The following PSME4 variants were observed in gnomAD, a reference collection of about 807,000 sequenced individuals.
PSME4 encodes proteasome activator subunit 4, also known as proteasome activator complex subunit 4.
PSME4 carries 89 observed loss-of-function variants against 253.9 expected under a neutral mutation model. The observed-to-expected ratio is 0.35, with a 90% CI of 0.30 to 0.42. The LOEUF (loss-of-function observed/expected upper bound fraction) is 0.42. Among genes scored for constraint, PSME4 ranks in the 10% least tolerant of loss-of-function variants. The probability of loss-of-function intolerance (pLI) is 1.00; values close to 1 mark genes in which losing one functional copy is unlikely to be tolerated. For synonymous variants in PSME4, 851 were observed against 759.2 expected, an observed-to-expected ratio of 1.12 and a Z score of -1.99; for missense variants, 2,014 against 2,195.2, an observed-to-expected ratio of 0.92 and a Z score of 1.65.
At chr2:53,927,309 C>T (rs1006352960) in intron 12 of PSME4, 85 bp downstream of exon 12, 8 of 958,804 alleles carry the variant, frequency 8.3e-6, no homozygotes, top group African/African-American at 6.5e-5. Flanking sequence ...CTTCCAAAGT[C>T]GTTTCTAAAC....
chr2:53,924,585 A>G (rs1668471647), intron 14 of PSME4, among the ~76,000 whole-genome samples: 1 of 152,194 alleles, frequency 6.6e-6, no homozygotes, highest in Non-Finnish European at 1.5e-5. Flanking sequence ...TCAGCTGAGT[A>G]ACTGTTTTTA....
intron 34 of PSME4, among the ~76,000 whole-genome samples, chr2:53,894,545 T>C (rs1292151865): frequency 6.6e-6 from 1 of 152,246 alleles, no homozygotes; most frequent in Non-Finnish European, 1.5e-5. Flanking sequence ...GTGTTGGGAT[T>C]ACAGGCATGT....
intron 10 of PSME4, 49 bp downstream of exon 10, chr2:53,931,786 G>T: frequency 6.3e-7 from 1 of 1,593,696 alleles, no homozygotes; most frequent in South Asian, 1.1e-5. Context: ...GAGCTGAACA[G>T]ACCAAAAGAA....
At position 53,898,304 on chromosome 2, in the gene PSME4, T is replaced by A; in HGVS notation, c.3473A>T (p.Asn1158Ile). ...DTLLDGVEQR[N>I]LPWKFEHIGI... is the part of the protein sequence containing the mutation. ...TACAAAAATCTTTTGCACTTACAGG[T>A]TTCTTTGCTCCACACCATCTAGCAA... The change falls in exon 30 of 47, where the codon AAC becomes ATC. Residue 1158 changes from asparagine (N) to isoleucine (I), a missense_variant. Physicochemically the swap from Asn to Ile is moderately radical, Grantham distance 149. Transcript: ENST00000404125. 6.2e-7 allele frequency: 1 copy of A among 1,605,186 alleles called. No homozygotes were observed. The highest frequency in any genetic ancestry group is 8.5e-7 in the Non-Finnish European group (1 of 1,176,822).
At chr2:53,898,036 T>C in intron 30 of PSME4, 37 bp from the exon 31 acceptor site, 1 of 1,576,718 alleles carries the variant, frequency 6.3e-7, no homozygotes. Flanking sequence ...ATATCACACA[T>C]AAAACCACTT....
intron 41 of PSME4, among the ~76,000 whole-genome samples, chr2:53,884,386 T>G (rs111699183): frequency 1.6e-3 from 242 of 152,282 alleles, no homozygotes; most frequent in African/African-American, 5.6e-3. Context: ...AATTTTTGTA[T>G]TTTTAGTAGA....
At chr2:53,892,283 G>A (rs186630887) in intron 36 of PSME4, among the ~76,000 whole-genome samples, 5 of 152,240 alleles carry the variant, frequency 3.3e-5, no homozygotes, top group Admixed American at 6.5e-5. Context: ...TTAGTCTCGT[G>A]TATTTTGCTA....
rs1558670671 is a variant in PSME4 at position 53,906,877 on chromosome 2, C to CA, written c.2785-10dup. On this transcript the variant is annotated splice_polypyrimidine_tract_variant and intron_variant, in intron 24 of 46. Transcript: ENST00000404125. ...TGTTTTTTCCCATGGAGCTGGAAAA[C>CA]AAAGTAGCAACAAATACTTCAACAT... is the stretch of plus-strand genomic sequence containing the variant. 1 of 1,611,552 alleles carries CA rather than the reference C, an allele frequency of 6.2e-7. No individual in the cohort carries two copies. Among genetic ancestry groups the CA allele is most frequent in the Admixed American group, 1.7e-5 (1 of 59,928 alleles).
chr2:53,914,077 G>A (rs188217551), intron 20 of PSME4, among the ~76,000 whole-genome samples: 1 of 152,160 alleles, frequency 6.6e-6, no homozygotes, highest in Non-Finnish European at 1.5e-5. Context: ...AGATCCTAAG[G>A]ATGATTTAAC....
chr2:53,940,496 C>T (rs1480136939), intron 3 of PSME4, among the ~76,000 whole-genome samples: 1 of 152,040 alleles, frequency 6.6e-6, no homozygotes, highest in African/African-American at 2.4e-5. Flanking sequence ...AGAACAATAG[C>T]ATCTCTTTGA....
At chr2:53,893,005 C>T (rs775375811) in intron 35 of PSME4, 45 bp from the exon 36 acceptor site, 2 of 1,543,660 alleles carry the variant, frequency 1.3e-6, no homozygotes, top group African/African-American at 1.4e-5. Flanking sequence ...TGACTATCAT[C>T]TCGATTATAA....
intron 14 of PSME4, among the ~76,000 whole-genome samples, 195 bp downstream of exon 14, chr2:53,925,344 C>T (rs944282504): frequency 6.6e-6 from 1 of 152,098 alleles, no homozygotes; most frequent in Non-Finnish European, 1.5e-5. Context: ...TCTCAGGTTG[C>T]AAATAGTTAG....
intron 41 of PSME4, among the ~76,000 whole-genome samples, chr2:53,880,483 T>C (rs552895296): frequency 6.6e-6 from 1 of 152,252 alleles, no homozygotes; most frequent in African/African-American, 2.4e-5. Context: ...ACCTAGGCAG[T>C]ATCCTACAAA....
chr2:53,967,646 T>A (rs1670803537), intron 1 of PSME4, among the ~76,000 whole-genome samples: 1 of 24,084 alleles, frequency 4.2e-5, no homozygotes, highest in African/African-American at 1.5e-4. Flanking sequence ...AGTGAGATTG[T>A]CTCAAAAAAA....
chr2:53,874,259 C>T (rs968954831), intron 43 of PSME4, 80 bp downstream of exon 43: 157 of 1,390,198 alleles, frequency 1.1e-4, no homozygotes, highest in Non-Finnish European at 1.4e-4. Flanking sequence ...TGCACCTGGC[C>T]GCAAATACTT....
intron 1 of PSME4, 135 bp downstream of exon 1, chr2:53,970,408 T>TG: frequency 6.9e-7 from 1 of 1,440,434 alleles, no homozygotes; most frequent in Non-Finnish European, 9.2e-7. Flanking sequence ...GTCACGACCC[T>TG]GGGATCACCG....
In PSME4 at chr2:53,888,708, T is replaced by C. The variant is rs72799248; in HGVS notation, c.4388+13A>G. The C allele has an allele frequency of 2.5e-6, 4 of 1,582,828 alleles. No individual in the cohort carries two copies. The highest frequency in any genetic ancestry group is 2.6e-6 in the Non-Finnish European group (3 of 1,152,996). ...TTTCGTGTTAACCTCATAGGTTTTT[T>C]AAAAAAATTTACCATGCATCTACAA... On this transcript the variant is annotated intron_variant, in intron 38 of 46. Coordinates refer to ENST00000404125, the MANE Select transcript of PSME4 (RefSeq NM_014614.3).
chr2:53,908,885 C>A (rs1011895898), intron 21 of PSME4, 45 bp from the exon 22 acceptor site: 4 of 1,405,414 alleles, frequency 2.8e-6, no homozygotes, highest in African/African-American at 1.4e-5. Context: ...ACTGAATGCT[C>A]CTCAGACTTT....
intron 28 of PSME4, 92 bp downstream of exon 28, chr2:53,901,258 A>G (rs1680386004): frequency 8.4e-7 from 1 of 1,184,170 alleles, no homozygotes; most frequent in Non-Finnish European, 1.2e-6. Flanking sequence ...TGCCAAGAAT[A>G]TTATTACTGG....
Sources: allele counts gnomAD v4.1 joint callset (sites outside exome capture counted in the v4.1 genomes callset), GRCh38; gene constraint gnomAD v4.1.1; transcripts MANE v1.5; gene names NCBI Gene and HGNC (gene_info 2026-07-23, HGNC 2026-07-21).